The following ATRN variants were observed in gnomAD, a reference collection of about 807,000 sequenced individuals.
ATRN encodes attractin-2.
Under a neutral mutation model 178.7 loss-of-function variants are expected in ATRN, and 54 were observed. The ratio of observed to expected loss-of-function variants is 0.30; its 90% confidence interval spans 0.24 to 0.38. ATRN has a LOEUF of 0.38. Ranked by LOEUF, ATRN falls within the 10% of genes least tolerant of loss-of-function variation. The pLI, the probability that ATRN is intolerant of heterozygous loss-of-function variation, is 1.00. For synonymous variants in ATRN, 636 were observed against 663.0 expected (o/e 0.96, Z 0.63); for missense variants, 1,443 against 1,815.1 (o/e 0.79, Z 3.73).
At chr20:3,480,077 C>A (rs2084597854) in intron 1 of ATRN, among the ~76,000 whole-genome samples, 1 of 152,140 alleles carries the variant, frequency 6.6e-6, no homozygotes, top group Admixed American at 6.5e-5. Context: ...TGGAACATAA[C>A]TTGTGAGGGG....
intron 1 of ATRN, among the ~76,000 whole-genome samples, chr20:3,482,170 A>G (rs2084631418): frequency 6.6e-6 from 1 of 152,046 alleles, no homozygotes; most frequent in Non-Finnish European, 1.5e-5. Context: ...AATATAATTT[A>G]TAATGATATT....
At chr20:3,598,945 T>A (rs1006486372) in intron 22 of ATRN, among the ~76,000 whole-genome samples, 3 of 152,238 alleles carry the variant, frequency 2.0e-5, no homozygotes, top group African/African-American at 4.8e-5. Context: ...ACAAATGTTA[T>A]CTATAAACAT....
chr20:3,596,286 T>C (rs987252808), intron 20 of ATRN, 91 bp from the exon 21 acceptor site: 2 of 1,312,238 alleles, frequency 1.5e-6, no homozygotes, highest in East Asian at 4.6e-5. Flanking sequence ...CCAGACTATC[T>C]GTACTTTATA....
intron 24 of ATRN, among the ~76,000 whole-genome samples, chr20:3,614,627 T>C (rs975119237): frequency 1.3e-5 from 2 of 152,236 alleles, no homozygotes; most frequent in Admixed American, 6.5e-5. Flanking sequence ...TTTTTTCTTA[T>C]AACAGCTTTA....
At chr20:3,600,689 C>G (rs182523649) in intron 22 of ATRN, among the ~76,000 whole-genome samples, 73 of 152,208 alleles carry the variant, frequency 4.8e-4, no homozygotes, top group African/African-American at 1.7e-3. Flanking sequence ...TTAAAAGGCA[C>G]TTTCTCATGC....
At chr20:3,598,028 TG>T in intron 22 of ATRN, 28 bp downstream of exon 22, 1 of 1,460,394 alleles carries the variant, frequency 6.8e-7, no homozygotes, top group Non-Finnish European at 9.6e-7. Context: ...CTTCCTATTT[TG>T]TTTTGAATTT....
intron 24 of ATRN, among the ~76,000 whole-genome samples, chr20:3,608,683 T>G (rs1024833736): frequency 3.3e-5 from 5 of 152,154 alleles, no homozygotes; most frequent in Non-Finnish European, 2.9e-5. Context: ...AATGCTTTGG[T>G]TGGCTGAGTA....
chr20:3,471,895 T>G (rs1026508100), intron 1 of ATRN, among the ~76,000 whole-genome samples: 1 of 152,202 alleles, frequency 6.6e-6, no homozygotes, highest in African/African-American at 2.4e-5. Context: ...ACACTTCCTT[T>G]TAACATCCAC....
chr20:3,555,536 C>T (rs998631213), intron 6 of ATRN, among the ~76,000 whole-genome samples: 13 of 125,568 alleles, frequency 1.0e-4, no homozygotes, highest in Non-Finnish European at 2.0e-4. Flanking sequence ...AGAATATGAT[C>T]TGAGCACTGT....
At chr20:3,609,710 ATGTATG>A (rs1286006750) in intron 24 of ATRN, among the ~76,000 whole-genome samples, 22 of 117,198 alleles carry the variant, frequency 1.9e-4, no homozygotes, top group African/African-American at 6.7e-4. Context: ...TGTGGTATGT[ATGTATG>A]TGTGTGTGTG....
intron 1 of ATRN, among the ~76,000 whole-genome samples, chr20:3,499,944 G>T (rs1340217117): frequency 6.6e-6 from 1 of 151,624 alleles, no homozygotes; most frequent in African/African-American, 2.4e-5. Flanking sequence ...ATCTGACAAA[G>T]GGCTAATATC....
chr20:3,521,466 T>G (rs2085295400), intron 1 of ATRN, among the ~76,000 whole-genome samples: 1 of 152,214 alleles, frequency 6.6e-6, no homozygotes, highest in South Asian at 2.1e-4. Flanking sequence ...CATTTGTAGG[T>G]GTTTAGCAAC....
intron 25 of ATRN, among the ~76,000 whole-genome samples, chr20:3,630,417 C>T (rs2086980739): frequency 6.6e-6 from 1 of 152,088 alleles, no homozygotes; most frequent in Admixed American, 6.6e-5. Context: ...GGGAAGTAAA[C>T]TTAGACTCTT....
chr20:3,545,990 C>T (rs2085695500), intron 4 of ATRN, 100 bp downstream of exon 4: 20 of 1,301,254 alleles, frequency 1.5e-5, no homozygotes, highest in South Asian at 2.6e-5. Flanking sequence ...CCAGGCATAG[C>T]GTCAGGCAGT....
intron 1 of ATRN, among the ~76,000 whole-genome samples, chr20:3,483,800 C>A (rs571065675): frequency 3.0e-4 from 44 of 147,652 alleles, no homozygotes; most frequent in African/African-American, 4.7e-4. Context: ...TATTATTTTT[C>A]AAAAAAAAAC....
intron 1 of ATRN, among the ~76,000 whole-genome samples, chr20:3,523,432 T>C (rs2085322975): frequency 6.6e-6 from 1 of 152,102 alleles, no homozygotes; most frequent in African/African-American, 2.4e-5. Flanking sequence ...AGACCAAACC[T>C]GCGTTTGATT....
At position 3,632,058 on chromosome 20, in the gene ATRN, A is replaced by G. The variant is rs927841704; in HGVS notation, c.3864-2253A>G. Among the ~76,000 whole-genome samples the G allele has an allele frequency of 6.6e-6, 1 of 152,106 alleles. No homozygotes were observed. Among genetic ancestry groups the G allele is most frequent in the African/African-American group, 2.4e-5 (1 of 41,414 alleles). Reference sequence around the variant, plus strand: ...TATATCCTTATGCCTTCCAAATGCCATGCCCAGCCCAGACCTGGCAGCCAG... The same window carrying G: ...TATATCCTTATGCCTTCCAAATGCCGTGCCCAGCCCAGACCTGGCAGCCAG... On this transcript the variant is annotated intron_variant, in intron 25 of 28. Transcript: ENST00000262919. The surrounding 1 kb of genome is among the most constrained non-coding windows in gnomAD (Gnocchi z 4.2).
chr20:3,542,935 G>A (rs1043417049), intron 3 of ATRN, among the ~76,000 whole-genome samples: 5 of 151,566 alleles, frequency 3.3e-5, no homozygotes. Flanking sequence ...CACTGCACCC[G>A]GCCGAAGATT....
At chr20:3,538,515 ATCAGT>A (rs1176789879) in intron 2 of ATRN, among the ~76,000 whole-genome samples, 1 of 152,146 alleles carries the variant, frequency 6.6e-6, no homozygotes, top group African/African-American at 2.4e-5. Context: ...GCTGTGTCCT[ATCAGT>A]TCATTGCCAC....
Sources: allele counts gnomAD v4.1 joint callset (sites outside exome capture counted in the v4.1 genomes callset), GRCh38; gene constraint gnomAD v4.1.1; non-coding constraint Gnocchi (gnomAD v3.1); transcripts MANE v1.5; gene names NCBI Gene and HGNC (gene_info 2026-07-23, HGNC 2026-07-21).